CNTN4: variants seen among roughly 807,000 people sequenced by gnomAD.
The protein encoded by CNTN4 is contactin-4.
In CNTN4, 77 loss-of-function variants were observed where a neutral mutation model predicts 122.5. The observed-to-expected ratio is 0.63, with a 90% CI of 0.52 to 0.76. The LOEUF (loss-of-function observed/expected upper bound fraction) is 0.76. Ranked by LOEUF, CNTN4 falls within the 30% of genes least tolerant of loss-of-function variation. The probability of loss-of-function intolerance (pLI) is 0.00; values close to 1 mark genes in which losing one functional copy is unlikely to be tolerated. For missense variants in CNTN4, 1,256 were observed against 1,259.1 expected (o/e 1.00, Z 0.04); for synonymous variants, 512 against 447.0 (o/e 1.15, Z -1.83).
chr3:2,983,168 C>G (rs950855653), intron 13 of CNTN4, among the ~76,000 whole-genome samples: 2 of 117,158 alleles, frequency 1.7e-5, no homozygotes, highest in Admixed American at 2.5e-4. Context: ...GAGCCGAGAT[C>G]GCAGCACTGC....
At chr3:2,503,131 C>A (rs1353507694) in intron 3 of CNTN4, among the ~76,000 whole-genome samples, 1 of 152,028 alleles carries the variant, frequency 6.6e-6, no homozygotes, top group Non-Finnish European at 1.5e-5. Context: ...GCATTGTGCC[C>A]AAGTATCATT....
chr3:2,184,262 C>T (rs978027963), intron 2 of CNTN4, among the ~76,000 whole-genome samples: 2 of 152,130 alleles, frequency 1.3e-5, no homozygotes, highest in Non-Finnish European at 2.9e-5. Context: ...TGGAATTTTA[C>T]AGGAGTGAGC....
At chr3:2,773,306 G>C (rs976560211) in intron 6 of CNTN4, among the ~76,000 whole-genome samples, 12 of 152,146 alleles carry the variant, frequency 7.9e-5, no homozygotes, top group Non-Finnish European at 1.3e-4. Flanking sequence ...GAAAGAGAAA[G>C]TTTAAAGACA....
chr3:3,047,749 C>G (rs1238128308), intron 23 of CNTN4, among the ~76,000 whole-genome samples: 4 of 150,364 alleles, frequency 2.7e-5, no homozygotes, highest in African/African-American at 9.8e-5. Context: ...CATTCAAAAG[C>G]TAGCAGAAGG....
chr3:2,922,556 A>G (rs2094438649), intron 12 of CNTN4, among the ~76,000 whole-genome samples: 1 of 152,062 alleles, frequency 6.6e-6, no homozygotes, highest in Non-Finnish European at 1.5e-5. Context: ...GCAGGGTTAG[A>G]TAACTTCAGA....
intron 3 of CNTN4, among the ~76,000 whole-genome samples, chr3:2,517,589 C>G (rs1412125246): frequency 1.3e-5 from 2 of 152,154 alleles, no homozygotes; most frequent in Admixed American, 1.3e-4. Flanking sequence ...CTTCACTTTT[C>G]CTTTACCAAG....
At chr3:2,820,711 C>A (rs904050488) in intron 7 of CNTN4, among the ~76,000 whole-genome samples, 3 of 152,060 alleles carry the variant, frequency 2.0e-5, no homozygotes, top group African/African-American at 7.3e-5. Flanking sequence ...AAAAGACATT[C>A]TTCTCAGCAA....
chr3:2,821,075 C>T (rs925535977), intron 7 of CNTN4, among the ~76,000 whole-genome samples: 3 of 148,592 alleles, frequency 2.0e-5, no homozygotes, highest in African/African-American at 5.0e-5. Flanking sequence ...GATTCTCATG[C>T]CTCAGCCTTC....
rs182603176 is a variant in CNTN4, at chr3:2,234,196, T to C, written c.-144-104982T>C. Among the ~76,000 whole-genome samples the C allele has an allele frequency of 1.8e-3, 278 of 151,964 alleles. 1 individual carries two copies. The highest frequency in any genetic ancestry group is 6.6e-3 in the African/African-American group (273 of 41,462). ...GAGTTCGAGAGTAGCCTGACCAATA[T>C]GGTGAAACCCCGTCTCTACTAAAAA... On this transcript the variant is annotated intron_variant, in intron 2 of 24. Coordinates refer to ENST00000418658, the MANE Select transcript of CNTN4 (RefSeq NM_175607.3).
chr3:2,687,534 G>T (rs1025780670), intron 4 of CNTN4, among the ~76,000 whole-genome samples: 1 of 152,104 alleles, frequency 6.6e-6, no homozygotes, highest in African/African-American at 2.4e-5. Flanking sequence ...ATGGTGGCAT[G>T]CGCCTGTAGT....
At chr3:2,639,635 C>T (rs1216490265) in intron 4 of CNTN4, among the ~76,000 whole-genome samples, 1 of 152,208 alleles carries the variant, frequency 6.6e-6, no homozygotes, top group Non-Finnish European at 1.5e-5. Flanking sequence ...TAGTGCCTGG[C>T]ACACAGCAGG....
chr3:2,783,581 C>T (rs1013778445), intron 6 of CNTN4, among the ~76,000 whole-genome samples: 13 of 152,182 alleles, frequency 8.5e-5, no homozygotes, highest in African/African-American at 3.1e-4. Context: ...TTTTTCTCAG[C>T]AGGATCCAGC....
At chr3:2,902,383 A>T (rs1157567126) in intron 11 of CNTN4, among the ~76,000 whole-genome samples, 1 of 152,118 alleles carries the variant, frequency 6.6e-6, no homozygotes, top group Non-Finnish European at 1.5e-5. Context: ...TAATACCTAC[A>T]TTTTTTAGTA....
At chr3:2,901,287 A>T (rs1039672956) in intron 11 of CNTN4, among the ~76,000 whole-genome samples, 1 of 152,130 alleles carries the variant, frequency 6.6e-6, no homozygotes, top group East Asian at 1.9e-4. Flanking sequence ...TTCCTTATGT[A>T]TTTTCCTGCC....
At position 2,189,810 on chromosome 3, in the gene CNTN4, G is replaced by T. The variant is rs184997100; in HGVS notation, c.-145+89171G>T. 8.0e-3 allele frequency among the ~76,000 whole-genome samples: 1,215 copies of T among 152,242 alleles called. 3 individuals carry two copies. The highest frequency in any genetic ancestry group is 0.013 in the Non-Finnish European group (912 of 68,024). ...GTGAAACTCTAATAACGAACTTTCA[G>T]TGAGTGATTCTCAGGTTACTCTCTC... On this transcript the variant is annotated intron_variant, in intron 2 of 24. Coordinates refer to ENST00000418658, the MANE Select transcript of CNTN4 (RefSeq NM_175607.3).
At chr3:2,674,145 G>A (rs184227429) in intron 4 of CNTN4, among the ~76,000 whole-genome samples, 179 of 152,298 alleles carry the variant, frequency 1.2e-3, no homozygotes, top group Non-Finnish European at 1.9e-3. Flanking sequence ...AGTAGTTTGT[G>A]AAAGCAATAG....
chr3:2,650,221 A>G (rs552719197), intron 4 of CNTN4, among the ~76,000 whole-genome samples: 8 of 152,032 alleles, frequency 5.3e-5, no homozygotes, highest in African/African-American at 1.4e-4. Context: ...AAAGCTTTCA[A>G]TGGAGGAAGC....
At chr3:2,621,317 G>A (rs1387528996) in intron 4 of CNTN4, among the ~76,000 whole-genome samples, 3 of 152,092 alleles carry the variant, frequency 2.0e-5, no homozygotes, top group Admixed American at 6.6e-5. Context: ...TATTCTAATC[G>A]TCAGATGTGT....
chr3:2,191,694 G>GTA (rs5846168), intron 2 of CNTN4, among the ~76,000 whole-genome samples: 2 of 42,292 alleles, frequency 4.7e-5, no homozygotes. Context: ...AAAATTCTAT[G>GTA]TATATATATA....
Sources: allele counts gnomAD v4.1 joint callset (sites outside exome capture counted in the v4.1 genomes callset), GRCh38; gene constraint gnomAD v4.1.1; transcripts MANE v1.5; gene names NCBI Gene and HGNC (gene_info 2026-07-23, HGNC 2026-07-21).